Variants in CACYBP observed in about 807,000 individuals in gnomAD.
The protein encoded by CACYBP is calcyclin-binding protein.
A neutral mutation model predicts 29.6 loss-of-function variants in CACYBP; 11 were observed. The observed-to-expected ratio is 0.37, with a 90% CI of 0.23 to 0.61. The LOEUF (loss-of-function observed/expected upper bound fraction) is 0.61. Ranked by LOEUF, CACYBP falls within the 20% of genes least tolerant of loss-of-function variation. The pLI is 0.65. For synonymous variants in CACYBP, 73 were observed against 88.3 expected, an observed-to-expected ratio of 0.83 and a Z score of 0.97; for missense variants, 163 against 260.7, an observed-to-expected ratio of 0.63 and a Z score of 2.58.
chr1:175,008,957 A>G (rs188964036), intron 5 of CACYBP: 2 of 386,246 alleles, frequency 5.2e-6, no homozygotes, highest in African/African-American at 4.1e-5. Flanking sequence ...CTGTTTCGGT[A>G]GTTTGAGAGG....
chr1:174,999,716 C>T (rs1232149750), upstream of CACYBP: 4 of 253,548 alleles, frequency 1.6e-5, no homozygotes, highest in Non-Finnish European at 3.1e-5. Flanking sequence ...GCTGGGTTAA[C>T]GCAGCGGTTC....
chr1:175,000,467 T>A (rs1672445370), intron 1 of CACYBP: 1 of 1,358,652 alleles, frequency 7.4e-7, no homozygotes, highest in African/African-American at 1.5e-5. Context: ...GGAGTGGGTC[T>A]GGGAGAGCGG....
At chr1:175,000,330 C>G (rs1672438875) in intron 1 of CACYBP, 135 bp downstream of exon 1, 1 of 1,463,244 alleles carries the variant, frequency 6.8e-7, no homozygotes, top group African/African-American at 1.5e-5. Flanking sequence ...CGCCGCCTTC[C>G]CGGGGGACAC....
At chr1:175,009,138 G>A (rs1396779432) in intron 5 of CACYBP, among the ~76,000 whole-genome samples, 1 of 152,124 alleles carries the variant, frequency 6.6e-6, no homozygotes, top group African/African-American at 2.4e-5. Flanking sequence ...ATCTTCTAAA[G>A]GTACTGACTA....
intron 5 of CACYBP, chr1:175,009,012 A>T (rs534902124): frequency 1.3e-5 from 3 of 233,086 alleles, no homozygotes; most frequent in Non-Finnish European, 2.5e-5. Context: ...GATGCTTCTG[A>T]TGCGTAGTTT....
chr1:175,000,414 C>T (rs1672442573), intron 1 of CACYBP: 5 of 1,399,560 alleles, frequency 3.6e-6, no homozygotes, highest in Non-Finnish European at 4.6e-6. Flanking sequence ...GCCTGCTGGG[C>T]TCGAGCGGGG....
chr1:175,006,893 T>G lies in CACYBP; in HGVS notation c.332+52T>G, dbSNP rs145239568. On this transcript the variant is annotated intron_variant, in intron 3 of 5. Coordinates refer to ENST00000367679, the MANE Select transcript of CACYBP (RefSeq NM_014412.3). The stretch of plus-strand genomic sequence containing the variant: ...CAGTGAATTAACAGTCAACATTGCC[T>G]TATCTTGAGACTCTCTTCTTTGCAG... The G allele has an allele frequency of 9.9e-4, 1,013 of 1,020,212 alleles. 13 individuals are homozygous for G. In the East Asian group the frequency reaches 0.017, roughly 18 times the overall value. The allele number at this position is 1,020,212 out of a possible 1,614,324, so 63.2% of individuals were successfully genotyped here.
chr1:175,004,150 C>T (rs886539804), intron 1 of CACYBP, among the ~76,000 whole-genome samples: 38 of 152,040 alleles, frequency 2.5e-4, no homozygotes, highest in Admixed American at 9.8e-4. Context: ...GTGGAGCATT[C>T]ATTACCTCAG....
upstream of CACYBP, chr1:174,999,943 G>C (rs376540752): frequency 3.0e-4 from 176 of 583,754 alleles, 2 homozygotes; most frequent in African/African-American, 3.3e-3. Flanking sequence ...GTGGAGCCAG[G>C]CTTGGCGGGC....
chr1:175,006,000 A>G (rs1420956055), intron 2 of CACYBP, among the ~76,000 whole-genome samples: 1 of 152,148 alleles, frequency 6.6e-6, no homozygotes, highest in Non-Finnish European at 1.5e-5. Flanking sequence ...GCATGTTTCT[A>G]TTCTATAGGA....
At chr1:175,005,763 A>G (rs1479094626) in intron 2 of CACYBP, among the ~76,000 whole-genome samples, 4 of 152,234 alleles carry the variant, frequency 2.6e-5, no homozygotes, top group African/African-American at 9.6e-5. Context: ...TATTTTAACC[A>G]GGAACATAGA....
In CACYBP at chr1:175,000,040, G is replaced by T. The variant is rs1379155126; in HGVS notation, c.-141G>T. On this transcript the variant is annotated 5_prime_UTR_variant, in exon 1 of 6. Transcript: ENST00000367679. Reference sequence around the variant, plus strand: ...TGCGGGAGGCGGGCCGCGATCTTGCGCAGGGTCGGTGTGGGCGCAGGCTGC... The same window carrying T: ...TGCGGGAGGCGGGCCGCGATCTTGCTCAGGGTCGGTGTGGGCGCAGGCTGC... 8.2e-7 allele frequency: 1 copy of T among 1,225,568 alleles called. No individual in the cohort carries two copies. The highest frequency in any genetic ancestry group is 2.7e-5 in the East Asian group (1 of 37,514). The allele number at this position is 1,225,568 out of a possible 1,614,324, so 75.9% of individuals were successfully genotyped here.
At position 175,000,143 on chromosome 1, in the gene CACYBP, G is replaced by A. The variant is rs1672431082; in HGVS notation, c.-38G>A. The A allele has an allele frequency of 1.9e-6, 3 of 1,596,182 alleles. No homozygotes were observed. Among genetic ancestry groups the A allele is most frequent in the Admixed American group, 1.7e-5 (1 of 57,802 alleles). ...CGGGGTTTCCTGTTCCTCCTTCTGC[G>A]CGGCTGCAGCTCGGGACTTCGGCCT... is the stretch of plus-strand genomic sequence containing the variant. On this transcript the variant is annotated 5_prime_UTR_variant, in exon 1 of 6. Transcript: ENST00000367679.
chr1:175,000,147 C>T lies in CACYBP; in HGVS notation c.-34C>T, dbSNP rs1017220063. 1.0e-5 allele frequency: 16 copies of T among 1,598,196 alleles called. No homozygotes were observed. The African/African-American group carries it at 1.9e-4, about 19-fold the overall frequency. ...GTTTCCTGTTCCTCCTTCTGCGCGG[C>T]TGCAGCTCGGGACTTCGGCCTGACC... On this transcript the variant is annotated 5_prime_UTR_variant, in exon 1 of 6. Transcript: ENST00000367679.
Position 175,008,541 on chromosome 1 carries a change from G to A in CACYBP, c.433-68G>A. On this transcript the variant is annotated intron_variant, in intron 4 of 5. Coordinates refer to ENST00000367679, the MANE Select transcript of CACYBP (RefSeq NM_014412.3). ...GACTTGATCAATTGAATAGATAATT[G>A]TTTTATAAATATTCATGCTTATCTC... The A allele has an allele frequency of 3.7e-6, 3 of 802,808 alleles. No homozygotes were observed. In the South Asian group the frequency reaches 4.5e-5, roughly 12 times the overall value. 49.7% of individuals were successfully genotyped at this position (802,808 alleles called of 1,614,324 possible). A position where few individuals can be genotyped will look rare whatever the true frequency, so the allele number is the denominator to read the frequency against.
intron 5 of CACYBP, 51 bp downstream of exon 5, chr1:175,008,757 A>C: frequency 1.1e-6 from 1 of 881,564 alleles, no homozygotes. Flanking sequence ...GTTTGAGATC[A>C]TGGATTTTTA....
Position 175,010,322 on chromosome 1 carries a change from T to C in CACYBP, c.*243T>C, listed in dbSNP as rs1386534124. 1 of 305,100 alleles carries C rather than the reference T, an allele frequency of 3.3e-6. No individual in the cohort carries two copies. The highest frequency in any genetic ancestry group is 5.4e-5 in the East Asian group (1 of 18,396). The allele number at this position is 305,100 out of a possible 1,614,324, so 18.9% of individuals were successfully genotyped here. ...TCATTTTGTTCAAGGAAGGGTTATATTGCATTCTCACGTGAAATATAAAAA... is the reference window on the plus strand; with the variant it reads ...TCATTTTGTTCAAGGAAGGGTTATACTGCATTCTCACGTGAAATATAAAAA... On this transcript the variant is annotated 3_prime_UTR_variant, in exon 6 of 6. Coordinates refer to ENST00000367679, the MANE Select transcript of CACYBP (RefSeq NM_014412.3).
intron 2 of CACYBP, among the ~76,000 whole-genome samples, chr1:175,006,063 G>C (rs1206991317): frequency 1.3e-5 from 2 of 152,140 alleles, no homozygotes; most frequent in Non-Finnish European, 2.9e-5. Context: ...ATAAACAGAA[G>C]ATGCTTTTTT....
intron 2 of CACYBP, 174 bp downstream of exon 2, chr1:175,005,007 T>C (rs1672582722): frequency 3.1e-6 from 2 of 650,894 alleles, no homozygotes. Flanking sequence ...AAGGATGCGT[T>C]CTAGAAGCTG....
Sources: gnomAD v4.1 joint callset for allele counts (sites outside exome capture counted in the v4.1 genomes callset) on GRCh38, gnomAD v4.1.1 for gene constraint, MANE v1.5 for transcripts, NCBI Gene and HGNC (gene_info 2026-07-23, HGNC 2026-07-21) for gene names.